Variants in ITGBL1 observed in about 807,000 individuals in gnomAD.
ITGBL1 encodes integrin subunit beta like 1.
Under a neutral mutation model 68.5 loss-of-function variants are expected in ITGBL1, and 51 were observed. The ratio of observed to expected loss-of-function variants is 0.74; its 90% confidence interval spans 0.59 to 0.94. The LOEUF (loss-of-function observed/expected upper bound fraction) is 0.94. Ranked by LOEUF, ITGBL1 falls within the 40% of genes least tolerant of loss-of-function variation. ITGBL1 has a pLI of 0.00. For synonymous variants in ITGBL1, 209 were observed against 227.3 expected (o/e 0.92, Z 0.72); for missense variants, 649 against 647.4 (o/e 1.00, Z -0.03).
At chr13:101,715,240 T>C (rs1023673745) in intron 10 of ITGBL1, 3 of 232,190 alleles carry the variant, frequency 1.3e-5, no homozygotes, top group Non-Finnish European at 2.5e-5. Context: ...GCCTTATGTT[T>C]TTCTGTATTT....
chr13:101,601,695 C>T (rs2030393471), intron 7 of ITGBL1, among the ~76,000 whole-genome samples: 1 of 151,986 alleles, frequency 6.6e-6, no homozygotes, highest in South Asian at 2.1e-4. Flanking sequence ...CGTTATGTAC[C>T]CAGTATTCAT....
intron 5 of ITGBL1, among the ~76,000 whole-genome samples, chr13:101,581,923 G>A (rs372919309): frequency 3.4e-4 from 51 of 152,212 alleles, no homozygotes; most frequent in African/African-American, 1.2e-3. Flanking sequence ...CACCTTTACC[G>A]AGTCTGGATC....
intron 7 of ITGBL1, among the ~76,000 whole-genome samples, chr13:101,670,823 G>A (rs1279908714): frequency 6.6e-6 from 1 of 151,996 alleles, no homozygotes; most frequent in Non-Finnish European, 1.5e-5. Flanking sequence ...ATAGAGTGAT[G>A]CCAAATCTTT....
chr13:101,475,159 C>A (rs527418722), intron 2 of ITGBL1, among the ~76,000 whole-genome samples: 19 of 152,076 alleles, frequency 1.2e-4, no homozygotes, highest in Admixed American at 7.9e-4. Context: ...ATTTAAAATA[C>A]CTGTTTTGGG....
intron 7 of ITGBL1, among the ~76,000 whole-genome samples, chr13:101,656,607 G>A (rs1432741286): frequency 2.6e-5 from 4 of 152,034 alleles, no homozygotes; most frequent in Non-Finnish European, 5.9e-5. Context: ...AATATCCAGA[G>A]AATATGATGC....
intron 2 of ITGBL1, among the ~76,000 whole-genome samples, chr13:101,554,851 T>G (rs2049980144): frequency 6.6e-6 from 1 of 152,180 alleles, no homozygotes; most frequent in Non-Finnish European, 1.5e-5. Context: ...AGTGTCCTTT[T>G]CATTTAAATA....
At chr13:101,675,037 C>T (rs1021086460) in intron 7 of ITGBL1, among the ~76,000 whole-genome samples, 1 of 151,928 alleles carries the variant, frequency 6.6e-6, no homozygotes, top group African/African-American at 2.4e-5. Flanking sequence ...CTGATTTTTG[C>T]CTTCAAATGA....
At chr13:101,626,342 C>T (rs1044890492) in intron 7 of ITGBL1, among the ~76,000 whole-genome samples, 11 of 152,086 alleles carry the variant, frequency 7.2e-5, no homozygotes, top group Middle Eastern at 3.2e-3. Context: ...AATTTAATGG[C>T]ACAGAAAAGA....
rs1031748769 is a variant in ITGBL1, at chr13:101,632,147, C to CTA, written c.1015+33849_1015+33850insAT. Among the ~76,000 whole-genome samples the CTA allele has an allele frequency of 3.5e-3, 491 of 140,954 alleles. 2 individuals are homozygous for CTA. Among genetic ancestry groups the CTA allele is most frequent in the African/African-American group, 0.011 (380 of 35,024 alleles). 92.5% of individuals were successfully genotyped at this position (140,954 alleles called of 152,430 possible). On this transcript the variant is annotated intron_variant, in intron 7 of 10. Coordinates refer to ENST00000376180, the MANE Select transcript of ITGBL1 (RefSeq NM_004791.3). ...TAAAATATTCTCTCTCTCTCTCTCTCTCTATATATATATATATCTGACAAT... is the reference window on the plus strand; with the variant it reads ...TAAAATATTCTCTCTCTCTCTCTCTCTATCTATATATATATATATCTGACAAT...
intron 6 of ITGBL1, among the ~76,000 whole-genome samples, chr13:101,594,509 C>G (rs1201343538): frequency 6.6e-6 from 1 of 150,920 alleles, no homozygotes; most frequent in Admixed American, 6.6e-5. Flanking sequence ...AAGCTCCATG[C>G]CATTGGTCTT....
chr13:101,506,823 T>C (rs1359285090), intron 2 of ITGBL1, among the ~76,000 whole-genome samples: 1 of 152,176 alleles, frequency 6.6e-6, no homozygotes, highest in African/African-American at 2.4e-5. Context: ...TAATTACCCA[T>C]TGTGACATGA....
At chr13:101,719,113 T>C (rs140681396), downstream of ITGBL1, 29 of 152,276 alleles carry the variant, frequency 1.9e-4, no homozygotes, top group East Asian at 5.2e-3. Flanking sequence ...TTTTTGAATA[T>C]GTATCAAATA....
chr13:101,477,634 A>T, intron 2 of ITGBL1, among the ~76,000 whole-genome samples: 1 of 152,106 alleles, frequency 6.6e-6, no homozygotes, highest in Non-Finnish European at 1.5e-5. Context: ...ATGAAAAAGG[A>T]GACATTACAG....
intron 7 of ITGBL1, among the ~76,000 whole-genome samples, chr13:101,648,484 C>T (rs1180387533): frequency 2.0e-5 from 3 of 152,056 alleles, no homozygotes; most frequent in Non-Finnish European, 4.4e-5. Flanking sequence ...AGCTTTCTCC[C>T]AGTGATCGAG....
At chr13:101,604,883 T>TACACACACACACACACACAC (rs1444965646) in intron 7 of ITGBL1, among the ~76,000 whole-genome samples, 61 of 12,954 alleles carry the variant, frequency 4.7e-3, no homozygotes, top group East Asian at 0.011. Context: ...TATATATATA[T>TACACACACACACACACACAC]ATATACACAC....
rs1323702108 is a variant in ITGBL1 at position 101,532,456 on chromosome 13, T to C, written c.317-35243T>C. On this transcript the variant is annotated intron_variant, in intron 2 of 10. Transcript: ENST00000376180. ...TTTTGGAATTCAGCATGAGTATCTT[T>C]AGATGCTAATTGCAAGTTAATCTTT... Among the ~76,000 whole-genome samples, 6 of 152,328 alleles carry C rather than the reference T, an allele frequency of 3.9e-5. No individual in the cohort carries two copies. The South Asian group carries it at 8.3e-4, about 21-fold the overall frequency.
At chr13:101,604,718 A>C (rs2030584661) in intron 7 of ITGBL1, among the ~76,000 whole-genome samples, 1 of 150,062 alleles carries the variant, frequency 6.7e-6, no homozygotes, top group Non-Finnish European at 1.5e-5. Context: ...AGCTGTGGTT[A>C]CATGAGTTAG....
intron 7 of ITGBL1, among the ~76,000 whole-genome samples, chr13:101,686,430 G>A (rs1390941649): frequency 1.3e-5 from 2 of 152,156 alleles, no homozygotes; most frequent in Non-Finnish European, 2.9e-5. Flanking sequence ...GTGGTCTATA[G>A]GTGAGGTCTG....
At chr13:101,614,577 G>C (rs2031273849) in intron 7 of ITGBL1, among the ~76,000 whole-genome samples, 1 of 152,130 alleles carries the variant, frequency 6.6e-6, no homozygotes, top group Admixed American at 6.6e-5. Flanking sequence ...CCTACAATCT[G>C]TTCCCAGCCC....
Sources: gnomAD v4.1 joint callset for allele counts (sites outside exome capture counted in the v4.1 genomes callset) on GRCh38, gnomAD v4.1.1 for gene constraint, MANE v1.5 for transcripts, NCBI Gene and HGNC (gene_info 2026-07-23, HGNC 2026-07-21) for gene names.